The following ASTN2 variants were observed in gnomAD, a reference collection of about 807,000 sequenced individuals.
ASTN2 encodes the protein astrotactin-2.
A neutral mutation model predicts 139.8 loss-of-function variants in ASTN2; 54 were observed. That is an observed-to-expected ratio of 0.39 (90% CI 0.31 to 0.48). The LOEUF (loss-of-function observed/expected upper bound fraction) is 0.48, where lower values mean the gene tolerates loss of function less well. Among genes scored for constraint, ASTN2 ranks in the 20% least tolerant of loss-of-function variants. The pLI is 0.95. For synonymous variants in ASTN2, 756 were observed against 719.5 expected (o/e 1.05, Z -0.81); for missense variants, 1,565 against 1,725.1 (o/e 0.91, Z 1.64).
At chr9:117,127,674 T>G (rs1392847252) in intron 4 of ASTN2, among the ~76,000 whole-genome samples, 8 of 61,292 alleles carry the variant, frequency 1.3e-4, no homozygotes, top group African/African-American at 5.2e-4. Context: ...TTGTTTTGGT[T>G]TTTTTTTTTT....
At chr9:117,257,083 C>A (rs1173844971) in intron 2 of ASTN2, among the ~76,000 whole-genome samples, 1 of 152,182 alleles carries the variant, frequency 6.6e-6, no homozygotes, top group Non-Finnish European at 1.5e-5. Context: ...GGACTCAGTG[C>A]ACATACACAC....
chr9:116,613,092 C>T (rs1252015458), intron 19 of ASTN2: 2 of 152,150 alleles, frequency 1.3e-5, no homozygotes, highest in African/African-American at 4.8e-5. Flanking sequence ...ATACTATAAA[C>T]ACCTCTATGC....
At chr9:116,595,256 C>T (rs1243586067) in intron 19 of ASTN2, among the ~76,000 whole-genome samples, 1 of 152,188 alleles carries the variant, frequency 6.6e-6, no homozygotes, top group Admixed American at 6.5e-5. Flanking sequence ...TTACACTTCC[C>T]ACAATGCTTA....
chr9:116,914,547 T>TTTTTTATTATTATTA (rs1554760026), intron 10 of ASTN2, among the ~76,000 whole-genome samples: 7 of 146,896 alleles, frequency 4.8e-5, no homozygotes, highest in African/African-American at 1.7e-4. Flanking sequence ...TGTAAAGTGT[T>TTTTTTATTATTATTA]TTATTATTAT....
Position 117,144,661 on chromosome 9 carries a change from T to C in ASTN2, c.1016-3183A>G, listed in dbSNP as rs926775430. On this transcript the variant is annotated intron_variant, in intron 3 of 22. Transcript: ENST00000313400. Reference sequence around the variant, plus strand: ...GACATTTGAGAGGAGTGAACACTAGTTTTTTTTTTTTTTTTTTTTTTTTTT... The same window carrying C: ...GACATTTGAGAGGAGTGAACACTAGCTTTTTTTTTTTTTTTTTTTTTTTTT... 0.025 allele frequency among the ~76,000 whole-genome samples: 38 copies of C among 1,550 alleles called. 1 individual carries two copies. The South Asian group carries it at 0.36, about 15-fold the overall frequency. 1.0% of individuals were successfully genotyped at this position (1,550 alleles called of 152,430 possible). A position where few individuals can be genotyped will look rare whatever the true frequency, so the allele number is the denominator to read the frequency against.
chr9:117,246,542 G>A (rs1295701176), intron 2 of ASTN2, among the ~76,000 whole-genome samples: 1 of 152,176 alleles, frequency 6.6e-6, no homozygotes, highest in Non-Finnish European at 1.5e-5. Context: ...AAAATGACTT[G>A]TAATTTGTAA....
chr9:116,771,929 C>T (rs1294949125), intron 13 of ASTN2, among the ~76,000 whole-genome samples: 1 of 152,216 alleles, frequency 6.6e-6, no homozygotes, highest in Non-Finnish European at 1.5e-5. Flanking sequence ...ACATCAGTGC[C>T]AACATTCCAC....
At chr9:117,055,054 A>G (rs879799562) in intron 5 of ASTN2, among the ~76,000 whole-genome samples, 17 of 152,178 alleles carry the variant, frequency 1.1e-4, no homozygotes, top group Non-Finnish European at 2.2e-4. Flanking sequence ...TCACTTGCCC[A>G]CCGCTCACCT....
At chr9:116,854,582 C>T (rs1832689016) in intron 11 of ASTN2, among the ~76,000 whole-genome samples, 1 of 151,314 alleles carries the variant, frequency 6.6e-6, no homozygotes, top group Admixed American at 6.6e-5. Flanking sequence ...GCAGGGCTTG[C>T]AGACAACAGT....
At chr9:116,845,259 C>T (rs1207810867) in intron 11 of ASTN2, among the ~76,000 whole-genome samples, 2 of 152,138 alleles carry the variant, frequency 1.3e-5, no homozygotes, top group African/African-American at 2.4e-5. Flanking sequence ...GGACTACAGG[C>T]GCCTGCCACC....
chr9:117,350,065 A>G (rs1179957460), intron 1 of ASTN2, among the ~76,000 whole-genome samples: 3 of 152,212 alleles, frequency 2.0e-5, no homozygotes, highest in Admixed American at 2.0e-4. Flanking sequence ...CACATGTACC[A>G]TGATAATGTA....
rs188255807 is a variant in ASTN2, at chr9:116,916,212, A to C, written c.1890-52479T>G. Among the ~76,000 whole-genome samples the C allele has an allele frequency of 1.1e-3, 160 of 152,296 alleles. 1 individual carries two copies. The highest frequency in any genetic ancestry group is 3.7e-3 in the African/African-American group (153 of 41,548). ...TTCATGTTGTTGTCTGTCCCTGACC[A>C]TGAATGGCCCACCATCAGTGAAAAG... On this transcript the variant is annotated intron_variant, in intron 10 of 22. Transcript: ENST00000313400.
At chr9:117,124,980 T>C (rs1419403586) in intron 4 of ASTN2, among the ~76,000 whole-genome samples, 1 of 152,140 alleles carries the variant, frequency 6.6e-6, no homozygotes, top group Non-Finnish European at 1.5e-5. Flanking sequence ...AGATAGTAGG[T>C]GCAAAAATGT....
At chr9:116,762,247 G>T (rs1204646756) in intron 13 of ASTN2, among the ~76,000 whole-genome samples, 1 of 152,146 alleles carries the variant, frequency 6.6e-6, no homozygotes, top group Non-Finnish European at 1.5e-5. Context: ...TAAAAAATTG[G>T]AGCCTCAAGG....
In ASTN2 at chr9:117,141,307, ATGTGCCAGGAGG is replaced by A. The variant is rs1170191866; in HGVS notation, c.1168+7_1168+18del. 28 of 1,365,826 alleles carry A rather than the reference ATGTGCCAGGAGG, an allele frequency of 2.1e-5. No individual in the cohort carries two copies. The highest frequency in any genetic ancestry group is 4.4e-5 in the African/African-American group (3 of 67,688). The allele number at this position is 1,365,826 out of a possible 1,614,324, so 84.6% of individuals were successfully genotyped here. ...GACAACCTTCTGACTTCCTGGCCAG[ATGTGCCAGGAGG>A]GCCTACCTCGAGACTTGCTCCTCCG... On this transcript the variant is annotated splice_region_variant and intron_variant, in intron 4 of 22. Coordinates refer to ENST00000313400, the MANE Select transcript of ASTN2 (RefSeq NM_001365068.1).
At chr9:117,015,834 C>T (rs1243181204) in intron 6 of ASTN2, among the ~76,000 whole-genome samples, 1 of 151,936 alleles carries the variant, frequency 6.6e-6, no homozygotes, top group Non-Finnish European at 1.5e-5. Flanking sequence ...AATCATTATA[C>T]AACAGATTAG....
intron 16 of ASTN2, among the ~76,000 whole-genome samples, chr9:116,682,325 G>A (rs1371863348): frequency 6.6e-6 from 1 of 152,180 alleles, no homozygotes; most frequent in Non-Finnish European, 1.5e-5. Flanking sequence ...ACCACAATGA[G>A]ATACCATCTC....
intron 2 of ASTN2, among the ~76,000 whole-genome samples, chr9:117,245,752 A>G (rs1486884480): frequency 6.6e-6 from 1 of 152,108 alleles, no homozygotes; most frequent in Non-Finnish European, 1.5e-5. Flanking sequence ...GTATCTGCTC[A>G]CCATCTCCTT....
intron 1 of ASTN2, among the ~76,000 whole-genome samples, chr9:117,349,558 C>A (rs1829326354): frequency 6.6e-6 from 1 of 152,126 alleles, no homozygotes; most frequent in Non-Finnish European, 1.5e-5. Flanking sequence ...AAGAATCGTT[C>A]ACTAGTCCTT....
Sources: gnomAD v4.1 joint callset for allele counts (sites outside exome capture counted in the v4.1 genomes callset) on GRCh38, gnomAD v4.1.1 for gene constraint, MANE v1.5 for transcripts, NCBI Gene and HGNC (gene_info 2026-07-23, HGNC 2026-07-21) for gene names.